FAM110B: variants seen among roughly 807,000 people sequenced by gnomAD.
FAM110B encodes protein FAM110B.
FAM110B carries 6 observed loss-of-function variants against 20.4 expected under a neutral mutation model. The ratio of observed to expected loss-of-function variants is 0.29; its 90% CI spans 0.16 to 0.58. The LOEUF (loss-of-function observed/expected upper bound fraction) is 0.58, where lower values mean the gene tolerates loss of function less well. Ranked by LOEUF, FAM110B falls within the 20% of genes least tolerant of loss-of-function variation. The pLI, the probability that FAM110B is intolerant of heterozygous loss-of-function variation, is 0.90. For synonymous variants in FAM110B, 226 were observed against 214.1 expected (o/e 1.06, Z -0.49); for missense variants, 434 against 498.2 (o/e 0.87, Z 1.23).
chr8:58,020,546 A>C (rs1417488364), intron 1 of FAM110B, among the ~76,000 whole-genome samples: 1 of 152,226 alleles, frequency 6.6e-6, no homozygotes, highest in East Asian at 1.9e-4. Context: ...GAGTTCACCT[A>C]ATCAGCCTTT....
At chr8:58,045,240 A>G (rs921321240) in intron 2 of FAM110B, among the ~76,000 whole-genome samples, 5 of 152,170 alleles carry the variant, frequency 3.3e-5, no homozygotes, top group African/African-American at 9.7e-5. Flanking sequence ...ATCAGCAGTC[A>G]TCAGGGCTGT....
chr8:58,118,305 A>T (rs1807268919), intron 3 of FAM110B, among the ~76,000 whole-genome samples: 1 of 152,210 alleles, frequency 6.6e-6, no homozygotes, highest in Non-Finnish European at 1.5e-5. Flanking sequence ...GCCAGAGATT[A>T]AGCCTCAGTC....
chr8:58,078,919 GT>G (rs1445777153), intron 3 of FAM110B, among the ~76,000 whole-genome samples: 1 of 152,038 alleles, frequency 6.6e-6, no homozygotes. Flanking sequence ...AACAACCCTC[GT>G]GCATTTATTT....
intron 3 of FAM110B, among the ~76,000 whole-genome samples, chr8:58,106,916 A>G (rs1444031397): frequency 2.0e-5 from 3 of 152,236 alleles, no homozygotes; most frequent in Non-Finnish European, 4.4e-5. Context: ...CTTCACATTT[A>G]TAACTGACGA....
At chr8:58,085,349 C>G (rs2150599819) in intron 3 of FAM110B, among the ~76,000 whole-genome samples, 1 of 152,226 alleles carries the variant, frequency 6.6e-6, no homozygotes, top group African/African-American at 2.4e-5. Flanking sequence ...CCCATCTCTA[C>G]TAAAAATATA....
chr8:58,128,290 C>A (rs1238648547), intron 3 of FAM110B, among the ~76,000 whole-genome samples: 1 of 152,172 alleles, frequency 6.6e-6, no homozygotes, highest in Non-Finnish European at 1.5e-5. Context: ...AACATGAGTC[C>A]TGCATCTGCT....
intron 2 of FAM110B, among the ~76,000 whole-genome samples, chr8:58,047,363 T>C (rs1330516377): frequency 6.6e-6 from 1 of 152,064 alleles, no homozygotes; most frequent in Non-Finnish European, 1.5e-5. Context: ...GGGAGGATGT[T>C]TGTAGTAAGG....
At chr8:58,133,856 C>A (rs924244745) in intron 3 of FAM110B, among the ~76,000 whole-genome samples, 1 of 152,208 alleles carries the variant, frequency 6.6e-6, no homozygotes, top group Non-Finnish European at 1.5e-5. Flanking sequence ...AGCTTAATGG[C>A]AGAGCTGAAC....
chr8:58,125,572 C>A (rs572507286), intron 3 of FAM110B, among the ~76,000 whole-genome samples: 1 of 152,218 alleles, frequency 6.6e-6, no homozygotes, highest in African/African-American at 2.4e-5. Flanking sequence ...AAAGAGACTT[C>A]ATTTTAAAAT....
At chr8:58,096,036 G>C (rs1806617887) in intron 3 of FAM110B, among the ~76,000 whole-genome samples, 1 of 152,098 alleles carries the variant, frequency 6.6e-6, no homozygotes, top group Non-Finnish European at 1.5e-5. Context: ...CTTAAACTCT[G>C]TTTTATCAGA....
chr8:58,110,604 C>T (rs534782430), intron 3 of FAM110B, among the ~76,000 whole-genome samples: 13 of 152,180 alleles, frequency 8.5e-5, no homozygotes, highest in Admixed American at 1.3e-4. Context: ...CTTTATTGAC[C>T]GTAAATCAGA....
intron 1 of FAM110B, among the ~76,000 whole-genome samples, chr8:58,028,455 G>T (rs1804895464): frequency 6.6e-6 from 1 of 152,158 alleles, no homozygotes; most frequent in African/African-American, 2.4e-5. Flanking sequence ...TATTTGGTAT[G>T]TAGTGGTATC....
At chr8:58,092,160 TTTTA>T (rs983709742) in intron 3 of FAM110B, among the ~76,000 whole-genome samples, 3 of 152,200 alleles carry the variant, frequency 2.0e-5, no homozygotes, top group African/African-American at 4.8e-5. Context: ...AGGAAAATAA[TTTTA>T]TTTATTCATA....
At chr8:58,085,824 TG>T (rs1345651946) in intron 3 of FAM110B, among the ~76,000 whole-genome samples, 1 of 152,232 alleles carries the variant, frequency 6.6e-6, no homozygotes, top group African/African-American at 2.4e-5. Flanking sequence ...TCTTGGGCAC[TG>T]GCCATTCACA....
intron 3 of FAM110B, among the ~76,000 whole-genome samples, chr8:58,094,021 G>A (rs1370166172): frequency 1.3e-5 from 2 of 152,158 alleles, no homozygotes. Context: ...TTGTGAATGG[G>A]AGTTCTCTCA....
At chr8:58,128,279 C>T (rs1237636852) in intron 3 of FAM110B, among the ~76,000 whole-genome samples, 1 of 152,128 alleles carries the variant, frequency 6.6e-6, no homozygotes, top group Non-Finnish European at 1.5e-5. Flanking sequence ...CAGACTAGAC[C>T]AACATGAGTC....
chr8:58,010,762 A>T (rs1016767977), intron 1 of FAM110B, among the ~76,000 whole-genome samples: 7 of 152,184 alleles, frequency 4.6e-5, no homozygotes, highest in African/African-American at 1.7e-4. Flanking sequence ...TTGAAACCTG[A>T]TTTCTAACTC....
chr8:58,103,366 C>G (rs949148033), intron 3 of FAM110B, among the ~76,000 whole-genome samples: 7 of 148,730 alleles, frequency 4.7e-5, no homozygotes, highest in African/African-American at 7.5e-5. Flanking sequence ...TGTTCCCCTT[C>G]CTGTGTCCAT....
intron 1 of FAM110B, among the ~76,000 whole-genome samples, chr8:58,013,676 G>A (rs1804583876): frequency 6.6e-6 from 1 of 152,152 alleles, no homozygotes; most frequent in Non-Finnish European, 1.5e-5. Context: ...CTGAAGCCGA[G>A]ATATTTTTTA....
Sources: gnomAD v4.1 joint callset for allele counts (sites outside exome capture counted in the v4.1 genomes callset) on GRCh38, gnomAD v4.1.1 for gene constraint, MANE v1.5 for transcripts, NCBI Gene and HGNC (gene_info 2026-07-23, HGNC 2026-07-21) for gene names.